The following ADAMTS15 variants were observed in gnomAD, a reference collection of about 807,000 sequenced individuals.
ADAMTS15 encodes ADAM metallopeptidase with thrombospondin type 1 motif 15, also known as A disintegrin and metalloproteinase with thrombospondin motifs 15.
ADAMTS15 carries 35 observed loss-of-function variants against 79.1 expected under a neutral mutation model. That is an observed-to-expected ratio of 0.44 (90% CI 0.34 to 0.59). ADAMTS15 has a LOEUF of 0.59. Among genes scored for constraint, ADAMTS15 ranks in the 20% least tolerant of loss-of-function variants. The probability of loss-of-function intolerance (pLI) is 0.02; values close to 1 mark genes in which losing one functional copy is unlikely to be tolerated. For missense variants in ADAMTS15, 1,324 were observed against 1,318.7 expected (o/e 1.00, Z -0.06); for synonymous variants, 616 against 567.3 (o/e 1.09, Z -1.22).
intron 4 of ADAMTS15, among the ~76,000 whole-genome samples, chr11:130,467,750 C>T (rs1183995230): frequency 6.7e-6 from 1 of 150,138 alleles, no homozygotes; most frequent in Non-Finnish European, 1.5e-5. Flanking sequence ...TATTCTCTTT[C>T]TACCCTGTTT....
chr11:130,473,628 C>T lies in ADAMTS15; in HGVS notation c.2660C>T (p.Thr887Ile), dbSNP rs1350198399. 1.9e-6 allele frequency: 3 copies of T among 1,609,166 alleles called. No homozygotes were observed. The highest frequency in any genetic ancestry group is 2.5e-6 in the Non-Finnish European group (3 of 1,179,818). The change falls in exon 8 of 8, where the codon ACA becomes ATA. Residue 887 changes from threonine (T) to isoleucine (I), a missense_variant. Thr to Ile is a moderately conservative substitution (Grantham distance 89). Coordinates refer to ENST00000299164, the MANE Select transcript of ADAMTS15 (RefSeq NM_139055.4). ...GATGCAGCCCATCGGCCCGTGGAGA[C>T]ACAAGCCTGCGGGGAGCCCTGCCCC... ...ACDAAHRPVE[T>I]QACGEPCPTW... is the part of the protein sequence containing the mutation.
chr11:130,459,024 T>TG (rs1938145484), intron 1 of ADAMTS15, among the ~76,000 whole-genome samples: 1 of 135,788 alleles, frequency 7.4e-6, no homozygotes, highest in African/African-American at 3.0e-5. Flanking sequence ...CCCTCCCAAG[T>TG]GTTTTTTTTT....
intron 5 of ADAMTS15, among the ~76,000 whole-genome samples, chr11:130,470,199 T>TGTATATATAC (rs1565397915): frequency 6.6e-5 from 4 of 60,526 alleles, no homozygotes; most frequent in South Asian, 9.1e-4. Flanking sequence ...TATATATATA[T>TGTATATATAC]ATATATATAT....
In ADAMTS15 at chr11:130,469,355, C is replaced by A; in HGVS notation, c.1636C>A (p.Pro546Thr). 1 of 1,358,980 alleles carries A rather than the reference C, an allele frequency of 7.4e-7. No individual in the cohort carries two copies. Among genetic ancestry groups the A allele is most frequent in the South Asian group, 2.2e-5 (1 of 45,440 alleles). 84.2% of individuals were successfully genotyped at this position (1,358,980 alleles called of 1,614,324 possible). A position where few individuals can be genotyped will look rare whatever the true frequency, so the allele number is the denominator to read the frequency against. Residue 546 changes from proline (P) to threonine (T), a missense_variant, in exon 5 of 8, where the codon CCC becomes ACC. Transcript: ENST00000299164. ...VQLARRQCTN[P>T]TPANGGKYCE... ...GCTGGCCAGGAGGCAGTGCACCAACCCCACCCCTGCCAACGGGGGCAAGTA... is the reference window on the plus strand; with the variant it reads ...GCTGGCCAGGAGGCAGTGCACCAACACCACCCCTGCCAACGGGGGCAAGTA...
At chr11:130,465,903 A>C (rs1317676735) in intron 4 of ADAMTS15, among the ~76,000 whole-genome samples, 22 of 125,556 alleles carry the variant, frequency 1.8e-4, no homozygotes, top group South Asian at 2.6e-4. Context: ...CAAGAGTTTC[A>C]CTCTCGTTGT....
In ADAMTS15 at chr11:130,474,462, G is replaced by A. The variant is rs1938535648; in HGVS notation, c.*641G>A. ...CTCTTGGCCCTCCTATAAAGAAGCA[G>A]CCTCTCCTTCCTCTGATGTGCAGGG... On this transcript the variant is annotated 3_prime_UTR_variant, in exon 8 of 8. Transcript: ENST00000299164. 6.6e-6 allele frequency: 1 copy of A among 152,434 alleles called. No individual in the cohort carries two copies. The highest frequency in any genetic ancestry group is 6.5e-5 in the Admixed American group (1 of 15,300). 9.4% of individuals were successfully genotyped at this position (152,434 alleles called of 1,614,324 possible).
rs569836150 is a variant in ADAMTS15, at chr11:130,454,346, T to C, written c.957+4416T>C. 2.6e-5 allele frequency among the ~76,000 whole-genome samples: 4 copies of C among 152,336 alleles called. No homozygotes were observed. The South Asian group carries it at 6.2e-4, about 24-fold the overall frequency. ...ATCTTCTTGTTTTGACCTTGAGCAG[T>C]ACTGTGTTTCATTGGGGATGCCCTA... On this transcript the variant is annotated intron_variant, in intron 1 of 7. Transcript: ENST00000299164.
intron 1 of ADAMTS15, among the ~76,000 whole-genome samples, chr11:130,451,956 C>T (rs145352744): frequency 1.9e-4 from 29 of 152,214 alleles, no homozygotes; most frequent in African/African-American, 5.3e-4. Context: ...GCTGCCTTCC[C>T]CTTAGGTGCC....
Position 130,449,318 on chromosome 11 carries a change from T to C in ADAMTS15, c.345T>C (p.Ala115=), listed in dbSNP as rs754740516. The C allele has an allele frequency of 1.2e-6, 2 of 1,610,460 alleles. No homozygotes were observed. Among genetic ancestry groups the C allele is most frequent in the Non-Finnish European group, 1.7e-6 (2 of 1,180,008 alleles). The part of the protein sequence containing the change: ...GDVNAEPDSF[A]AVSLCGGLRG... ...TGAACGCCGAGCCGGACTCGTTCGC[T>C]GCTGTGAGCCTGTGCGGGGGGCTCC... The change falls in exon 1 of 8, where the codon GCT becomes GCC. Residue 115 remains alanine, a synonymous_variant. Transcript: ENST00000299164. The surrounding 1 kb of genome is among the most constrained non-coding windows in gnomAD (Gnocchi z 7.8).
At chr11:130,450,466 G>C (rs766160799) in intron 1 of ADAMTS15, 14 of 983,190 alleles carry the variant, frequency 1.4e-5, no homozygotes, top group Non-Finnish European at 1.7e-5. Flanking sequence ...CCTGGATTGG[G>C]GTGGAGGGAA....
At chr11:130,455,663 T>C (rs1364543789) in intron 1 of ADAMTS15, among the ~76,000 whole-genome samples, 1 of 152,246 alleles carries the variant, frequency 6.6e-6, no homozygotes, top group Non-Finnish European at 1.5e-5. Flanking sequence ...CATTTCATCT[T>C]GGCTCTTTGC....
intron 1 of ADAMTS15, among the ~76,000 whole-genome samples, chr11:130,453,403 A>AT (rs1213643239): frequency 2.7e-5 from 3 of 112,450 alleles, no homozygotes; most frequent in East Asian, 2.5e-4. Flanking sequence ...TTATTTCTTT[A>AT]TTTTTTTTAG....
At chr11:130,454,713 T>G (rs1183047497) in intron 1 of ADAMTS15, among the ~76,000 whole-genome samples, 1 of 151,566 alleles carries the variant, frequency 6.6e-6, no homozygotes, top group East Asian at 1.9e-4. Context: ...GAGGGAGGAG[T>G]GCAATATGTT....
rs558970863 is a variant in ADAMTS15, at chr11:130,461,384, T to C, written c.958-105T>C. ...GGTGCTGGGCCTGGTGAGGTTGGAATGAGATGAGCTGGAATGTCCTATAGG... is the reference window on the plus strand; with the variant it reads ...GGTGCTGGGCCTGGTGAGGTTGGAACGAGATGAGCTGGAATGTCCTATAGG... On this transcript the variant is annotated intron_variant, in intron 1 of 7. Transcript: ENST00000299164. The C allele has an allele frequency of 2.6e-4, 382 of 1,490,218 alleles. 5 individuals are homozygous for C. In the Admixed American group the frequency reaches 6.6e-3, roughly 26 times the overall value. The allele number at this position is 1,490,218 out of a possible 1,614,324, so 92.3% of individuals were successfully genotyped here. A position where few individuals can be genotyped will look rare whatever the true frequency, so the allele number is the denominator to read the frequency against.
At position 130,473,360 on chromosome 11, in the gene ADAMTS15, T is replaced by A; in HGVS notation, c.2392T>A (p.Phe798Ile). The part of the protein sequence containing the change: ...KMTPPRVRYS[F>I]YLPKEPREDK... Reference sequence around the variant, plus strand: ...GACACCGCCCCGGGTCCGCTACTCCTTCTATCTGCCCAAAGAGCCTCGGGA... The same window carrying A: ...GACACCGCCCCGGGTCCGCTACTCCATCTATCTGCCCAAAGAGCCTCGGGA... Residue 798 changes from phenylalanine (F) to isoleucine (I), a missense_variant, in exon 8 of 8, where the codon TTC (phenylalanine) becomes ATC (isoleucine). Transcript: ENST00000299164. The A allele has an allele frequency of 1.2e-6, 2 of 1,612,858 alleles. No individual in the cohort carries two copies.
At position 130,470,126 on chromosome 11, in the gene ADAMTS15, ATATATACATATATATATATATATATGTG is replaced by A. The variant is rs1367767582; in HGVS notation, c.1720+694_1720+721del. Reference sequence around the variant, plus strand: ...TCAGGTTCATTACTGAATCATATATATATATACATATATATATATATATATGTGTATATATATATATATATATATATAT... The same window carrying A: ...TCAGGTTCATTACTGAATCATATATATATATATATATATATATATATATAT... On this transcript the variant is annotated intron_variant, in intron 5 of 7. Transcript: ENST00000299164. Among the ~76,000 whole-genome samples, 691 of 90,156 alleles carry A rather than the reference ATATATACATATATATATATATATATGTG, an allele frequency of 7.7e-3. 8 individuals are homozygous for A. The highest frequency in any genetic ancestry group is 0.013 in the Non-Finnish European group (596 of 47,016). The allele number at this position is 90,156 out of a possible 152,430, so 59.1% of individuals were successfully genotyped here. A position where few individuals can be genotyped will look rare whatever the true frequency, so the allele number is the denominator to read the frequency against.
At chr11:130,471,431 G>T in intron 7 of ADAMTS15, 48 bp downstream of exon 7, 1 of 1,578,008 alleles carries the variant, frequency 6.3e-7, no homozygotes. Flanking sequence ...AGGGAGGGAG[G>T]TGGAGTTTCC....
rs757441757 is a variant in ADAMTS15, at chr11:130,471,390, T to A, written c.2078+7T>A. On this transcript the variant is annotated splice_region_variant and intron_variant, in intron 7 of 7. Coordinates refer to ENST00000299164, the MANE Select transcript of ADAMTS15 (RefSeq NM_139055.4). ...GACTCTTCACCAAGCCCATGTGAGTTCTGGGCCCTGAAGGTCCTGCCAGGG... is the reference window on the plus strand; with the variant it reads ...GACTCTTCACCAAGCCCATGTGAGTACTGGGCCCTGAAGGTCCTGCCAGGG... 1 of 1,600,728 alleles carries A rather than the reference T, an allele frequency of 6.2e-7. No individual in the cohort carries two copies. The highest frequency in any genetic ancestry group is 8.5e-7 in the Non-Finnish European group (1 of 1,176,988).
At chr11:130,451,530 T>G (rs1276920341) in intron 1 of ADAMTS15, among the ~76,000 whole-genome samples, 1 of 152,114 alleles carries the variant, frequency 6.6e-6, no homozygotes, top group African/African-American at 2.4e-5. Flanking sequence ...AGGAGGTGGC[T>G]TTGACCTCTG....
Sources: gnomAD v4.1 joint callset for allele counts (sites outside exome capture counted in the v4.1 genomes callset) on GRCh38, gnomAD v4.1.1 for gene constraint, Gnocchi (gnomAD v3.1) non-coding constraint, MANE v1.5 for transcripts, NCBI Gene and HGNC (gene_info 2026-07-23, HGNC 2026-07-21) for gene names.